Variants in CNIH3 observed in about 807,000 individuals in gnomAD.
CNIH3 encodes the protein protein cornichon homolog 3.
CNIH3 carries 14 observed loss-of-function variants against 24.1 expected under a neutral mutation model. That is an observed-to-expected ratio of 0.58 (90% CI 0.38 to 0.91). The LOEUF (loss-of-function observed/expected upper bound fraction) is 0.91, where lower values mean the gene tolerates loss of function less well. CNIH3 is among the 40% of genes least tolerant of loss of function. The pLI, the probability that CNIH3 is intolerant of heterozygous loss-of-function variation, is 0.00. For synonymous variants in CNIH3, 68 were observed against 73.8 expected, an observed-to-expected ratio of 0.92 and a Z score of 0.40; for missense variants, 178 against 196.8, an observed-to-expected ratio of 0.90 and a Z score of 0.57.
chr1:224,662,253 T>G (rs1558266158), intron 1 of CNIH3, among the ~76,000 whole-genome samples: 1 of 152,208 alleles, frequency 6.6e-6, no homozygotes, highest in Admixed American at 6.5e-5. Flanking sequence ...TTTCACTCAT[T>G]TTTAGCAGTC....
chr1:224,478,250 T>C (rs1470269683), intron 1 of CNIH3, among the ~76,000 whole-genome samples: 1 of 152,232 alleles, frequency 6.6e-6, no homozygotes, highest in Non-Finnish European at 1.5e-5. Context: ...ATAAACTTTC[T>C]ACCCCCATCT....
chr1:224,434,678 C>G, exon 1 of CNIH3: 5 of 863,842 alleles, frequency 5.8e-6, no homozygotes, highest in Non-Finnish European at 6.9e-6. Flanking sequence ...GGCTGAGCCC[C>G]GGCAGTGGCT....
chr1:224,532,288 G>A (rs951203599), intron 2 of CNIH3, among the ~76,000 whole-genome samples: 4 of 152,182 alleles, frequency 2.6e-5, no homozygotes, highest in Non-Finnish European at 2.9e-5. Flanking sequence ...GCCAGGAGAT[G>A]AGGTCAGACA....
intron 1 of CNIH3, among the ~76,000 whole-genome samples, chr1:224,517,398 C>T (rs1678434935): frequency 2.0e-5 from 3 of 152,182 alleles, no homozygotes; most frequent in African/African-American, 7.2e-5. Flanking sequence ...GGTTTACTCA[C>T]CCGCCTGGAG....
chr1:224,682,944 G>C (rs914458015), intron 2 of CNIH3, among the ~76,000 whole-genome samples: 1 of 152,208 alleles, frequency 6.6e-6, no homozygotes, highest in East Asian at 1.9e-4. Context: ...GGTTGCAGGT[G>C]ATTGGTGAAA....
intron 1 of CNIH3, among the ~76,000 whole-genome samples, chr1:224,635,131 G>A (rs942674061): frequency 3.3e-5 from 5 of 152,104 alleles, no homozygotes; most frequent in African/African-American, 1.2e-4. Context: ...GGGAAGCAAG[G>A]GACATCTTAC....
chr1:224,439,850 G>T (rs188307415), intron 1 of CNIH3, among the ~76,000 whole-genome samples: 1 of 152,062 alleles, frequency 6.6e-6, no homozygotes, highest in South Asian at 2.1e-4. Flanking sequence ...GTGCAGTGGC[G>T]CAATCTCGGC....
At chr1:224,540,724 G>T (rs1301275683), downstream of CNIH3, among the ~76,000 whole-genome samples, 1 of 152,142 alleles carries the variant, frequency 6.6e-6, no homozygotes, top group Non-Finnish European at 1.5e-5. Context: ...TAAAGAACTG[G>T]CTGCTTACCA....
chr1:224,577,533 G>T (rs995393651), intron 4 of CNIH3, among the ~76,000 whole-genome samples: 1 of 152,004 alleles, frequency 6.6e-6, no homozygotes, highest in Non-Finnish European at 1.5e-5. Flanking sequence ...CATTTGAATG[G>T]CCATGATTTA....
chr1:224,517,285 T>C (rs1056503611), intron 1 of CNIH3, among the ~76,000 whole-genome samples: 5 of 152,030 alleles, frequency 3.3e-5, no homozygotes, highest in African/African-American at 9.7e-5. Flanking sequence ...AAATGCCAGC[T>C]GGGAGCCTAT....
intron 3 of CNIH3, among the ~76,000 whole-genome samples, chr1:224,551,415 C>T (rs1418828847): frequency 5.9e-5 from 9 of 152,072 alleles, no homozygotes; most frequent in Non-Finnish European, 1.0e-4. Flanking sequence ...AGTTCATGTC[C>T]TTTGTAGGAA....
At position 224,684,087 on chromosome 1, in the gene CNIH3, C is replaced by T. The variant is rs1386262104; in HGVS notation, c.151-709C>T. ...AATGAAGCACCGGGAGATGCCACAG[C>T]TGTGTTCAGTGTGGCTTTGGAAATC... On this transcript the variant is annotated intron_variant, in intron 2 of 5. Transcript: ENST00000272133. This position sits in a 1 kb window ranked among gnomAD's most constrained non-coding sequence, Gnocchi z 4.2. Among the ~76,000 whole-genome samples the T allele has an allele frequency of 6.6e-6, 1 of 152,170 alleles. No homozygotes were observed. The highest frequency in any genetic ancestry group is 6.5e-5 in the Admixed American group (1 of 15,276).
At chr1:224,500,341 A>G (rs187538219) in intron 1 of CNIH3, among the ~76,000 whole-genome samples, 79 of 152,230 alleles carry the variant, frequency 5.2e-4, no homozygotes, top group African/African-American at 1.6e-3. Context: ...CATGGTCCCA[A>G]AATGGTTGCC....
At chr1:224,507,340 AC>A (rs1258808620) in intron 1 of CNIH3, among the ~76,000 whole-genome samples, 1 of 152,074 alleles carries the variant, frequency 6.6e-6, no homozygotes, top group African/African-American at 2.4e-5. Context: ...TAGCAATGTG[AC>A]CCTGGGCAAG....
At chr1:224,724,952 T>C (rs1359050605) in intron 3 of CNIH3, among the ~76,000 whole-genome samples, 37 of 152,204 alleles carry the variant, frequency 2.4e-4, no homozygotes, top group Admixed American at 2.4e-3. Context: ...GGCTCATGCC[T>C]GCAATCCCAG....
In CNIH3 at chr1:224,704,931, G is replaced by GA. The variant is rs893481257; in HGVS notation, c.198+20091dup. 2.6e-5 allele frequency among the ~76,000 whole-genome samples: 4 copies of GA among 152,042 alleles called. No individual in the cohort carries two copies. The highest frequency in any genetic ancestry group is 9.7e-5 in the African/African-American group (4 of 41,408). The stretch of plus-strand genomic sequence containing the variant: ...TCAAGACCAGCCTGACCAATGTGAT[G>GA]AAACCCCGTCTCTAGTAAAAAATAC... On this transcript the variant is annotated intron_variant, in intron 3 of 5. Coordinates refer to ENST00000272133, the MANE Select transcript of CNIH3 (RefSeq NM_152495.2). This position sits in a 1 kb window ranked among gnomAD's most constrained non-coding sequence, Gnocchi z 4.2.
chr1:224,473,464 T>C (rs182376434), intron 1 of CNIH3, among the ~76,000 whole-genome samples: 15 of 152,278 alleles, frequency 9.9e-5, no homozygotes, highest in East Asian at 7.7e-4. Context: ...TCACCACTTC[T>C]ATGCAAATGG....
chr1:224,528,279 A>T (rs1678923166), intron 2 of CNIH3, among the ~76,000 whole-genome samples: 1 of 152,156 alleles, frequency 6.6e-6, no homozygotes, highest in South Asian at 2.1e-4. Flanking sequence ...CAATAAAATA[A>T]AATTAACAAA....
chr1:224,617,062 G>C lies in CNIH3; in HGVS notation c.-113G>C, dbSNP rs776367808. 167 of 1,518,026 alleles carry C rather than the reference G, an allele frequency of 1.1e-4. No individual in the cohort carries two copies. Among genetic ancestry groups the C allele is most frequent in the Non-Finnish European group, 1.4e-4 (158 of 1,141,594 alleles). The allele number at this position is 1,518,026 out of a possible 1,614,324, so 94.0% of individuals were successfully genotyped here. On this transcript the variant is annotated 5_prime_UTR_variant, in exon 1 of 6. The change abolishes the stop of an existing upstream ORF in the 5' untranslated region. Transcript: ENST00000272133. ...TAGCTGTGCGCCCTCCTGGGCACTAGCCTGGAGAGGAGCGTGCAGACGCGG... is the reference window on the plus strand; with the variant it reads ...TAGCTGTGCGCCCTCCTGGGCACTACCCTGGAGAGGAGCGTGCAGACGCGG...
Sources: gnomAD v4.1 joint callset for allele counts (sites outside exome capture counted in the v4.1 genomes callset) on GRCh38, gnomAD v4.1.1 for gene constraint, Gnocchi (gnomAD v3.1) non-coding constraint, MANE v1.5 for transcripts, NCBI Gene and HGNC (gene_info 2026-07-23, HGNC 2026-07-21) for gene names.